The following RORB variants were observed in gnomAD, a reference collection of about 807,000 sequenced individuals.
RORB encodes the protein RAR related orphan receptor B.
A neutral mutation model predicts 59.1 loss-of-function variants in RORB; 6 were observed. The ratio of observed to expected loss-of-function variants is 0.10; its 90% CI spans 0.06 to 0.20. The LOEUF (loss-of-function observed/expected upper bound fraction) is 0.20, where lower values mean the gene tolerates loss of function less well. RORB is among the 10% of genes least tolerant of loss of function. The pLI, the probability that RORB is intolerant of heterozygous loss-of-function variation, is 1.00. For missense variants in RORB, 320 were observed against 560.5 expected (o/e 0.57, Z 4.33); for synonymous variants, 215 against 204.5 (o/e 1.05, Z -0.44).
intron 3 of RORB, among the ~76,000 whole-genome samples, chr9:74,635,956 CA>C (rs11364568): frequency 0.37 from 48,650 of 131,476 alleles, 8,500 homozygotes; most frequent in Middle Eastern, 0.47. Context: ...CAAATTTGAC[CA>C]AAAAAAAAAA....
intron 1 of RORB, among the ~76,000 whole-genome samples, chr9:74,553,708 A>G (rs1171691146): frequency 6.6e-6 from 1 of 152,212 alleles, no homozygotes; most frequent in East Asian, 1.9e-4. Context: ...CCTGTTTGAA[A>G]AAATTATTTT....
intron 1 of RORB, among the ~76,000 whole-genome samples, chr9:74,590,593 A>G (rs1000920588): frequency 1.3e-5 from 2 of 152,170 alleles, no homozygotes; most frequent in African/African-American, 4.8e-5. Context: ...TGAGTTGCAC[A>G]CAGCGAGCTC....
intron 4 of RORB, among the ~76,000 whole-genome samples, chr9:74,645,761 G>A (rs763950727): frequency 1.6e-4 from 25 of 151,906 alleles, no homozygotes; most frequent in Non-Finnish European, 2.9e-4. Flanking sequence ...TGGAAAAATC[G>A]AGGCTTAGAA....
chr9:74,657,511 T>C (rs1451800188), intron 4 of RORB, among the ~76,000 whole-genome samples: 1 of 152,126 alleles, frequency 6.6e-6, no homozygotes, highest in Non-Finnish European at 1.5e-5. Flanking sequence ...ATAACATCAT[T>C]CCCTCTACCT....
intron 1 of RORB, among the ~76,000 whole-genome samples, chr9:74,594,468 A>G (rs1017050569): frequency 6.6e-6 from 1 of 152,228 alleles, no homozygotes; most frequent in African/African-American, 2.4e-5. Context: ...TGCATACAAA[A>G]TATCATGAAA....
intron 1 of RORB, among the ~76,000 whole-genome samples, chr9:74,591,798 T>A (rs183672759): frequency 5.9e-5 from 9 of 152,302 alleles, no homozygotes; most frequent in East Asian, 1.9e-4. Flanking sequence ...TATTTATTAA[T>A]GTACAACAAG....
Position 74,671,798 on chromosome 9 carries a change from G to C in RORB, c.1121G>C (p.Trp374Ser). The change falls in exon 9 of 10, where the codon TGG (tryptophan) becomes TCG (serine). Residue 374 changes from tryptophan to serine, a missense_variant. Physicochemically the swap from Trp to Ser is radical, Grantham distance 177. Coordinates refer to ENST00000376896, the MANE Select transcript of RORB (RefSeq NM_006914.4). ...SAVLISPDRA[W>S]LIEPRKVQKL... is the part of the protein sequence containing the mutation. ...CTCTTTCTTTCATCAGACCGAGCCT[G>C]GCTTATAGAACCAAGGAAAGTCCAG... is the stretch of plus-strand genomic sequence containing the variant. 2 of 1,609,992 alleles carry C rather than the reference G, an allele frequency of 1.2e-6. No individual in the cohort carries two copies. Among genetic ancestry groups the C allele is most frequent in the South Asian group, 2.2e-5 (2 of 90,692 alleles).
chr9:74,662,384 A>G, intron 5 of RORB, 90 bp from the exon 6 acceptor site: 2 of 1,258,486 alleles, frequency 1.6e-6, no homozygotes, highest in Non-Finnish European at 2.3e-6. Flanking sequence ...CCCAAGTGAC[A>G]GATAAGCACC....
rs550943130 is a variant in RORB at position 74,579,934 on chromosome 9, G to GA, written c.8-50344dup. Reference sequence around the variant, plus strand: ...AATTATATGCAGTTAACTATAGTCTGAAAATATTAAGATATTTTGAGAGAG... The same window carrying GA: ...AATTATATGCAGTTAACTATAGTCTGAAAAATATTAAGATATTTTGAGAGAG... On this transcript the variant is annotated intron_variant, in intron 1 of 9. Transcript: ENST00000376896. Among the ~76,000 whole-genome samples the GA allele has an allele frequency of 8.1e-3, 1,228 of 152,232 alleles. 9 individuals carry two copies. The highest frequency in any genetic ancestry group is 0.013 in the Non-Finnish European group (897 of 67,998).
intron 1 of RORB, among the ~76,000 whole-genome samples, chr9:74,566,710 T>A (rs935987990): frequency 6.6e-6 from 1 of 152,102 alleles, no homozygotes; most frequent in African/African-American, 2.4e-5. Context: ...GGCAAAAGAA[T>A]CACTTGAATC....
intron 2 of RORB, among the ~76,000 whole-genome samples, chr9:74,634,205 C>A (rs1015964073): frequency 2.8e-4 from 42 of 152,004 alleles, no homozygotes; most frequent in African/African-American, 9.2e-4. Context: ...TTTTTCTTAC[C>A]AATACTTCAA....
chr9:74,528,564 C>T (rs1826189795), intron 1 of RORB, among the ~76,000 whole-genome samples: 1 of 151,928 alleles, frequency 6.6e-6, no homozygotes, highest in African/African-American at 2.4e-5. Context: ...TGTGGATATA[C>T]CTAAACTAGT....
intron 1 of RORB, among the ~76,000 whole-genome samples, chr9:74,566,911 G>T (rs921273118): frequency 1.3e-5 from 2 of 152,172 alleles, no homozygotes; most frequent in African/African-American, 4.8e-5. Context: ...GTTGTCATTT[G>T]TTTATGTGAC....
intron 1 of RORB, among the ~76,000 whole-genome samples, chr9:74,522,844 T>C (rs930421217): frequency 4.6e-5 from 7 of 151,814 alleles, no homozygotes; most frequent in African/African-American, 1.7e-4. Flanking sequence ...GGGGCATCAC[T>C]GCAAATCACT....
intron 1 of RORB, among the ~76,000 whole-genome samples, chr9:74,572,011 T>G (rs1020502644): frequency 6.6e-6 from 1 of 152,142 alleles, no homozygotes; most frequent in African/African-American, 2.4e-5. Context: ...CTGGGGAACT[T>G]TCTTTCTCTA....
rs377636014 is a variant in RORB, at chr9:74,645,182, T to C, written c.637+2367T>C. On this transcript the variant is annotated intron_variant, in intron 4 of 9. Coordinates refer to ENST00000376896, the MANE Select transcript of RORB (RefSeq NM_006914.4). ...GGAGACCCCTAAGCCTAAATAGTGG[T>C]TTGGTTCACATTTCATTAAAACAGC... 1.1e-4 allele frequency among the ~76,000 whole-genome samples: 16 copies of C among 152,216 alleles called. No individual in the cohort carries two copies. The East Asian group carries it at 1.7e-3, about 17-fold the overall frequency.
At chr9:74,647,284 T>C (rs765142822) in intron 4 of RORB, among the ~76,000 whole-genome samples, 1 of 152,138 alleles carries the variant, frequency 6.6e-6, no homozygotes, top group Non-Finnish European at 1.5e-5. Flanking sequence ...TTGTCTTTGC[T>C]CCACCACTAA....
chr9:74,547,738 A>G (rs1252800891), intron 1 of RORB, among the ~76,000 whole-genome samples: 1 of 152,214 alleles, frequency 6.6e-6, no homozygotes, highest in Non-Finnish European at 1.5e-5. Context: ...TAAGGGGAGG[A>G]GAGACAGTGA....
At chr9:74,538,549 T>C (rs7857053) in intron 1 of RORB, among the ~76,000 whole-genome samples, 39,387 of 151,974 alleles carry the variant, frequency 0.26, 5,367 homozygotes, top group Non-Finnish European at 0.3. Flanking sequence ...AGCAATACTA[T>C]TATAAATACT....
Sources: gnomAD v4.1 joint callset for allele counts (sites outside exome capture counted in the v4.1 genomes callset) on GRCh38, gnomAD v4.1.1 for gene constraint, MANE v1.5 for transcripts, NCBI Gene and HGNC (gene_info 2026-07-23, HGNC 2026-07-21) for gene names.